Variants in SND1 observed in about 807,000 individuals in gnomAD.
The protein encoded by SND1 is staphylococcal nuclease and tudor domain containing 1, also known as staphylococcal nuclease domain-containing protein 1.
In SND1, 38 loss-of-function variants were observed where a neutral mutation model predicts 121.7. The observed-to-expected ratio is 0.31, with a 90% CI of 0.24 to 0.41. The LOEUF (loss-of-function observed/expected upper bound fraction) is 0.41, where lower values mean the gene tolerates loss of function less well. SND1 is among the 10% of genes least tolerant of loss of function. The pLI is 1.00. For missense variants in SND1, 868 were observed against 1,184.6 expected (o/e 0.73, Z 3.92); for synonymous variants, 401 against 447.4 (o/e 0.90, Z 1.31).
chr7:128,032,184 T>C (rs1584751735), intron 16 of SND1: 1 of 151,704 alleles, frequency 6.6e-6, no homozygotes, highest in East Asian at 2.0e-4. Flanking sequence ...TCCCCCTCCG[T>C]CGCCTGCCTC....
At chr7:127,712,284 G>A (rs1009970693) in intron 9 of SND1, among the ~76,000 whole-genome samples, 6 of 151,964 alleles carry the variant, frequency 3.9e-5, no homozygotes, top group African/African-American at 1.5e-4. Context: ...TCAGCCTCCC[G>A]AATAGCTGGG....
chr7:128,045,299 A>G (rs1246779274), intron 16 of SND1, among the ~76,000 whole-genome samples: 1 of 152,140 alleles, frequency 6.6e-6, no homozygotes, highest in African/African-American at 2.4e-5. Context: ...CCCCCAGAAT[A>G]GAGTTCTAAG....
intron 15 of SND1, 30 bp from the exon 16 acceptor site, chr7:127,990,917 A>G: frequency 6.4e-7 from 1 of 1,560,200 alleles, no homozygotes; most frequent in Non-Finnish European, 8.8e-7. Context: ...GCACCTTTTC[A>G]TCACAGATTC....
intron 16 of SND1, among the ~76,000 whole-genome samples, chr7:127,991,411 AT>A (rs142686163): frequency 0.012 from 1,900 of 152,134 alleles, 51 homozygotes; most frequent in African/African-American, 0.044. Flanking sequence ...TCAGGGGCCA[AT>A]TTTCTTTGAA....
intron 12 of SND1, among the ~76,000 whole-genome samples, chr7:127,868,895 T>C (rs1438273382): frequency 6.6e-6 from 1 of 152,162 alleles, no homozygotes; most frequent in Admixed American, 6.5e-5. Context: ...GCTTATTTAC[T>C]GAGTTGAGTA....
At chr7:127,846,527 T>G (rs1799066502) in intron 12 of SND1, among the ~76,000 whole-genome samples, 1 of 152,214 alleles carries the variant, frequency 6.6e-6, no homozygotes, top group African/African-American at 2.4e-5. Context: ...TCCCTAAAGA[T>G]AGGGAATTTT....
intron 16 of SND1, among the ~76,000 whole-genome samples, chr7:128,008,464 C>CT (rs780986426): frequency 0.019 from 2,618 of 136,016 alleles, 42 homozygotes; most frequent in African/African-American, 0.043. Flanking sequence ...TTTTTCTTTC[C>CT]TTTTTTTTTT....
At chr7:128,046,529 C>A (rs1792952126) in intron 16 of SND1, among the ~76,000 whole-genome samples, 1 of 151,642 alleles carries the variant, frequency 6.6e-6, no homozygotes, top group African/African-American at 2.4e-5. Context: ...AAGCCCAGCT[C>A]ATTTTTATAT....
At chr7:127,882,911 A>G (rs1799820570) in intron 12 of SND1, among the ~76,000 whole-genome samples, 2 of 152,300 alleles carry the variant, frequency 1.3e-5, no homozygotes, top group South Asian at 4.1e-4. Context: ...CACAATCGGC[A>G]TATAAAAAGG....
chr7:127,684,463 G>T (rs988788621), intron 1 of SND1, among the ~76,000 whole-genome samples: 5 of 152,170 alleles, frequency 3.3e-5, no homozygotes, highest in African/African-American at 4.8e-5. Flanking sequence ...TTCTTGCTGT[G>T]TGTTTTGTTT....
At chr7:128,007,688 A>G (rs554923025) in intron 16 of SND1, among the ~76,000 whole-genome samples, 2 of 152,248 alleles carry the variant, frequency 1.3e-5, no homozygotes, top group African/African-American at 4.8e-5. Context: ...CAAACAAACT[A>G]AAATAGAGCT....
At chr7:127,653,563 A>C (rs1310083199) in intron 1 of SND1, among the ~76,000 whole-genome samples, 2 of 152,186 alleles carry the variant, frequency 1.3e-5, no homozygotes, top group Non-Finnish European at 2.9e-5. Flanking sequence ...TAATCCCAGC[A>C]CTTAGGAGGC....
intron 11 of SND1, among the ~76,000 whole-genome samples, 194 bp from the exon 12 acceptor site, chr7:127,844,130 A>G (rs1799014406): frequency 6.6e-6 from 1 of 152,126 alleles, no homozygotes; most frequent in South Asian, 2.1e-4. Flanking sequence ...AATGTTCTTT[A>G]TTAGTTATGT....
intron 10 of SND1, among the ~76,000 whole-genome samples, chr7:127,796,748 A>G (rs1440148377): frequency 6.6e-6 from 1 of 152,216 alleles, no homozygotes; most frequent in Non-Finnish European, 1.5e-5. Context: ...ATATTTGCCA[A>G]AATGTTCCTT....
chr7:127,748,713 G>T (rs1264602459), intron 10 of SND1, among the ~76,000 whole-genome samples: 2 of 152,214 alleles, frequency 1.3e-5, no homozygotes, highest in African/African-American at 4.8e-5. Context: ...AGAAACTGCT[G>T]TAATTGTTAA....
intron 13 of SND1, among the ~76,000 whole-genome samples, chr7:127,897,561 C>T (rs1052496462): frequency 1.3e-5 from 2 of 152,044 alleles, no homozygotes; most frequent in Non-Finnish European, 2.9e-5. Context: ...GGGTTATCCA[C>T]CAATAGAGTC....
At chr7:127,679,245 A>G (rs1241739628) in intron 1 of SND1, 1 of 152,160 alleles carries the variant, frequency 6.6e-6, no homozygotes, top group Non-Finnish European at 1.5e-5. Flanking sequence ...TTGAAGGTTT[A>G]TACTTATAGC....
intron 15 of SND1, chr7:127,949,147 T>C (rs530378519): frequency 9.2e-5 from 14 of 152,212 alleles, no homozygotes; most frequent in Non-Finnish European, 4.4e-5. Context: ...TGAAGAGATT[T>C]GAAGGGGAGG....
chr7:127,690,765 C>T (rs1378594977), intron 2 of SND1, among the ~76,000 whole-genome samples: 4 of 152,226 alleles, frequency 2.6e-5, no homozygotes, highest in African/African-American at 9.6e-5. Context: ...ACTACGCTTT[C>T]TCTCTGGCTT....
Sources: allele counts gnomAD v4.1 joint callset (sites outside exome capture counted in the v4.1 genomes callset), GRCh38; gene constraint gnomAD v4.1.1; transcripts MANE v1.5; gene names NCBI Gene and HGNC (gene_info 2026-07-23, HGNC 2026-07-21).